NUP98: variants seen among roughly 807,000 people sequenced by gnomAD.
NUP98 encodes nuclear pore complex protein Nup98-Nup96.
In NUP98, 26 loss-of-function variants were observed where a neutral mutation model predicts 191.9. The ratio of observed to expected loss-of-function variants is 0.14; its 90% CI spans 0.10 to 0.19. NUP98 has a LOEUF of 0.19. Ranked by LOEUF, NUP98 falls within the 10% of genes least tolerant of loss-of-function variation. The probability of loss-of-function intolerance (pLI) is 1.00; values close to 1 mark genes in which losing one functional copy is unlikely to be tolerated. For missense variants in NUP98, 1,941 were observed against 2,178.8 expected (o/e 0.89, Z 2.17); for synonymous variants, 808 against 778.4 (o/e 1.04, Z -0.63).
At chr11:3,727,874 T>G (rs966350112) in intron 14 of NUP98, among the ~76,000 whole-genome samples, 8 of 151,924 alleles carry the variant, frequency 5.3e-5, no homozygotes, top group Admixed American at 3.9e-4. Flanking sequence ...ATAAAAAAAA[T>G]TAGCCAGGTG....
chr11:3,701,069 G>A (rs2078662082), intron 23 of NUP98, among the ~76,000 whole-genome samples: 1 of 152,086 alleles, frequency 6.6e-6, no homozygotes, highest in Non-Finnish European at 1.5e-5. Context: ...TCTTAGGCCA[G>A]GTTATAACAA....
At chr11:3,784,596 C>CAA (rs60126486) in intron 1 of NUP98, among the ~76,000 whole-genome samples, 2,410 of 141,966 alleles carry the variant, frequency 0.017, 79 homozygotes, top group African/African-American at 0.06. Context: ...AAAAAAAAAA[C>CAA]AAAAAAAAAC....
rs546598560 is a variant in NUP98 at position 3,795,285 on chromosome 11, T to C, written c.-29+2115A>G. On this transcript the variant is annotated intron_variant, in intron 1 of 32. Transcript: ENST00000324932. ...CGAAACCCTGTCTCTACCCAAAATA[T>C]ACAAAAAAATATTAGCTGGGTATGG... Among the ~76,000 whole-genome samples, 10 of 152,026 alleles carry C rather than the reference T, an allele frequency of 6.6e-5. No homozygotes were observed. In the South Asian group the frequency reaches 2.1e-3, roughly 32 times the overall value.
At chr11:3,747,143 A>G (rs1160540037) in intron 11 of NUP98, among the ~76,000 whole-genome samples, 1 of 152,200 alleles carries the variant, frequency 6.6e-6, no homozygotes, top group Non-Finnish European at 1.5e-5. Context: ...GTAATTTGTC[A>G]AGATAGGAAA....
At chr11:3,794,032 A>C (rs1382171883) in intron 1 of NUP98, among the ~76,000 whole-genome samples, 1 of 152,192 alleles carries the variant, frequency 6.6e-6, no homozygotes, top group African/African-American at 2.4e-5. Context: ...GTCTCAATCA[A>C]GGGCAATTCT....
intron 7 of NUP98, 78 bp downstream of exon 7, chr11:3,771,670 T>A (rs2081537093): frequency 7.7e-7 from 1 of 1,292,936 alleles, no homozygotes; most frequent in Non-Finnish European, 1.1e-6. Context: ...ATAGCACTTA[T>A]CCCAAAATGG....
intron 28 of NUP98, among the ~76,000 whole-genome samples, chr11:3,688,311 C>T (rs2078190629): frequency 6.6e-6 from 1 of 152,060 alleles, no homozygotes; most frequent in Non-Finnish European, 1.5e-5. Flanking sequence ...GAAGCTGAGG[C>T]AGGAGAATGG....
chr11:3,730,924 C>T (rs1046557494), intron 14 of NUP98, among the ~76,000 whole-genome samples: 6 of 152,144 alleles, frequency 3.9e-5, no homozygotes, highest in African/African-American at 1.2e-4. Flanking sequence ...TGGGAGTGAT[C>T]GGGTGACTTT....
In NUP98 at chr11:3,723,472, A is replaced by G. The variant is rs1440576940; in HGVS notation, c.1848-17T>C. 1.2e-6 allele frequency: 2 copies of G among 1,606,672 alleles called. No homozygotes were observed. The highest frequency in any genetic ancestry group is 1.7e-5 in the Admixed American group (1 of 59,698). ...AAACTAAATCTGCAAAGGAAAAGAA[A>G]TAATACCTTAGCCTCTTGTAGTAGT... is the stretch of plus-strand genomic sequence containing the variant. On this transcript the variant is annotated splice_polypyrimidine_tract_variant and intron_variant, in intron 15 of 32. Coordinates refer to ENST00000324932, the MANE Select transcript of NUP98 (RefSeq NM_016320.5).
chr11:3,770,980 A>C (rs1425500950), intron 7 of NUP98, among the ~76,000 whole-genome samples: 1 of 152,144 alleles, frequency 6.6e-6, no homozygotes, highest in Non-Finnish European at 1.5e-5. Flanking sequence ...CTCCTGCCTC[A>C]GCCTCCCAAG....
In NUP98 at chr11:3,676,328, T is replaced by C. The variant is rs2077809838; in HGVS notation, c.5234A>G (p.His1745Arg). The C allele has an allele frequency of 7.4e-6, 12 of 1,613,886 alleles. No homozygotes were observed. The highest frequency in any genetic ancestry group is 1.0e-5 in the Non-Finnish European group (12 of 1,179,946). The change falls in exon 33 of 33, where the codon CAT becomes CGT. Residue 1745 changes from histidine (H) to arginine (R), a missense_variant. By Grantham distance (29) the His-to-Arg change is conservative. Coordinates refer to ENST00000324932, the MANE Select transcript of NUP98 (RefSeq NM_016320.5). ...ANLLRVVLSL[H>R]HPPDRTSDST... ...GTCGGAGGTTCTATCAGGAGGATGA[T>C]GCAGACTCAGCACCACGCGCAGCAG...
rs377050877 is a variant in NUP98, at chr11:3,789,015, A to G, written c.-28-6870T>C. Among the ~76,000 whole-genome samples the G allele has an allele frequency of 2.7e-3, 416 of 152,282 alleles. 3 individuals carry two copies. Among genetic ancestry groups the G allele is most frequent in the African/African-American group, 9.1e-3 (379 of 41,558 alleles). ...CTCTTAAAATCTAAAGTTAATTCAA[A>G]ATAAAAAGTTAAAAAAATAAAAAAT... is the stretch of plus-strand genomic sequence containing the variant. On this transcript the variant is annotated intron_variant, in intron 1 of 32. Transcript: ENST00000324932.
chr11:3,778,921 A>G lies in NUP98; in HGVS notation c.307T>C (p.Ser103Pro). Reference protein sequence around the residue: ...GTASTGTSLFSSQNNAFAQNK... With the variant: ...GTASTGTSLFPSQNNAFAQNK... ...TGTGCAAAGGCATTGTTTTGGGATG[A>G]GAAGAGACTGGTCCCTGTGCTTGCA... The change falls in exon 4 of 33, where the codon TCA becomes CCA. Residue 103 changes from serine to proline, a missense_variant. By Grantham distance (74) the Ser-to-Pro change is moderately conservative (BLOSUM62 -1). This residue lies in a region of NUP98 where 154 missense variants were observed against 182.9 expected (regional missense o/e 0.84). Coordinates refer to ENST00000324932, the MANE Select transcript of NUP98 (RefSeq NM_016320.5). 1.2e-6 allele frequency: 2 copies of G among 1,614,226 alleles called. No individual in the cohort carries two copies. The highest frequency in any genetic ancestry group is 1.1e-5 in the South Asian group (1 of 91,086).
rs183089395 is a variant in NUP98, at chr11:3,794,632, T to C, written c.-29+2768A>G. On this transcript the variant is annotated intron_variant, in intron 1 of 32. Coordinates refer to ENST00000324932, the MANE Select transcript of NUP98 (RefSeq NM_016320.5). ...GTGAACCACCACACCACGCCTTTGT[T>C]TTAAGACAGGGCCTCACGCAGTTTC... Among the ~76,000 whole-genome samples the C allele has an allele frequency of 2.6e-4, 39 of 152,260 alleles. 1 individual carries two copies. In the East Asian group the frequency reaches 7.5e-3, roughly 29 times the overall value.
chr11:3,695,329 G>A (rs1305191500), intron 26 of NUP98, 120 bp downstream of exon 26: 5 of 879,960 alleles, frequency 5.7e-6, no homozygotes, highest in East Asian at 5.7e-5. Flanking sequence ...ATTGTCCAAT[G>A]TGTAAAACAT....
chr11:3,688,820 C>CATATATATATATATATATAT (rs71041372), intron 28 of NUP98, among the ~76,000 whole-genome samples: 22 of 136,268 alleles, frequency 1.6e-4, no homozygotes, highest in African/African-American at 4.8e-4. Context: ...TTTAAATATA[C>CATATATATATATATATATAT]ATATATATAT....
In NUP98 at chr11:3,797,541, G is replaced by T. The variant is rs1378335918; in HGVS notation, c.-170C>A. 4.4e-5 allele frequency: 20 copies of T among 453,624 alleles called. No individual in the cohort carries two copies. In the South Asian group the frequency reaches 4.4e-4, roughly 10 times the overall value. The allele number at this position is 453,624 out of a possible 1,614,324, so 28.1% of individuals were successfully genotyped here. A position where few individuals can be genotyped will look rare whatever the true frequency, so the allele number is the denominator to read the frequency against. On this transcript the variant is annotated 5_prime_UTR_variant, in exon 1 of 33. It adds an upstream start codon to the 5' untranslated region. Coordinates refer to ENST00000324932, the MANE Select transcript of NUP98 (RefSeq NM_016320.5). ...ACCGCCGCTTCGGGCGCAGCGCGCA[G>T]AGGGCCCGACTGCGTCACACGCCGC...
chr11:3,795,053 T>A (rs992316824), intron 1 of NUP98, among the ~76,000 whole-genome samples: 3 of 152,222 alleles, frequency 2.0e-5, no homozygotes, highest in African/African-American at 7.2e-5. Context: ...ACATAAATCA[T>A]ATTACAAGAA....
In NUP98 at chr11:3,723,394, G is replaced by C; in HGVS notation, c.1909C>G (p.Leu637Val). The change falls in exon 16 of 33, where the codon CTT (leucine) becomes GTT (valine). Residue 637 changes from leucine to valine, a missense_variant. Leu to Val is a conservative substitution (Grantham distance 32, BLOSUM62 1). Transcript: ENST00000324932. ...GGGTTAGTATAAAAATGTGAAACAA[G>C]GGAATCTTCATCTCCATCCTGCTGG... is the stretch of plus-strand genomic sequence containing the variant. Reference protein sequence around the residue: ...NHQQDGDEDSLVSHFYTNPIA... With the variant: ...NHQQDGDEDSVVSHFYTNPIA... 1 of 1,614,112 alleles carries C rather than the reference G, an allele frequency of 6.2e-7. No individual in the cohort carries two copies. The highest frequency in any genetic ancestry group is 8.5e-7 in the Non-Finnish European group (1 of 1,179,992).
Sources: gnomAD v4.1 joint callset for allele counts (sites outside exome capture counted in the v4.1 genomes callset) on GRCh38, gnomAD v4.1.1 for gene constraint, gnomAD v4.1.1 regional missense constraint, MANE v1.5 for transcripts, NCBI Gene and HGNC (gene_info 2026-07-23, HGNC 2026-07-21) for gene names.